IMMP2L: variants seen among roughly 807,000 people sequenced by gnomAD.
IMMP2L encodes the protein inner mitochondrial membrane peptidase subunit 2.
IMMP2L carries 18 observed loss-of-function variants against 19.3 expected under a neutral mutation model. That is an observed-to-expected ratio of 0.93 (90% CI 0.64 to 1.38). IMMP2L has a LOEUF of 1.38. IMMP2L is among the 40% of genes most tolerant of loss of function. The pLI is 0.00. For missense variants in IMMP2L, 233 were observed against 218.2 expected (o/e 1.07, Z -0.43); for synonymous variants, 76 against 73.0 (o/e 1.04, Z -0.21).
At chr7:110,981,658 T>G (rs568309533) in intron 3 of IMMP2L, among the ~76,000 whole-genome samples, 3 of 152,300 alleles carry the variant, frequency 2.0e-5, no homozygotes, top group African/African-American at 7.2e-5. Flanking sequence ...ATGTATTCAT[T>G]AGAGTGCTGA....
At chr7:111,279,082 T>C (rs1379604322) in intron 3 of IMMP2L, among the ~76,000 whole-genome samples, 2 of 152,166 alleles carry the variant, frequency 1.3e-5, no homozygotes, top group South Asian at 2.1e-4. Flanking sequence ...ATCACAGACA[T>C]TGAAAAACAT....
intron 5 of IMMP2L, among the ~76,000 whole-genome samples, chr7:110,743,621 G>A (rs1797132807): frequency 1.3e-5 from 2 of 152,172 alleles, no homozygotes; most frequent in South Asian, 2.1e-4. Flanking sequence ...TGGTCAGTGG[G>A]TGCAGCCCAA....
chr7:110,829,807 C>T (rs533731840), intron 5 of IMMP2L, among the ~76,000 whole-genome samples: 2 of 152,186 alleles, frequency 1.3e-5, no homozygotes, highest in South Asian at 4.1e-4. Context: ...TCTTTGAAGG[C>T]TCCTGGAGGT....
At chr7:111,192,515 ATACT>A (rs1302061989) in intron 3 of IMMP2L, among the ~76,000 whole-genome samples, 2 of 152,160 alleles carry the variant, frequency 1.3e-5, no homozygotes, top group African/African-American at 2.4e-5. Flanking sequence ...AGTGTGTAAA[ATACT>A]TAATCTTAAT....
intron 4 of IMMP2L, among the ~76,000 whole-genome samples, chr7:110,926,938 G>A (rs1346469600): frequency 6.6e-6 from 1 of 152,112 alleles, no homozygotes; most frequent in Admixed American, 6.6e-5. Flanking sequence ...TTTAAAACAT[G>A]TCTGCAAGTT....
In IMMP2L at chr7:110,991,015, T is replaced by C. The variant is rs1237677681; in HGVS notation, c.240-27450A>G. Among the ~76,000 whole-genome samples the C allele has an allele frequency of 4.6e-5, 7 of 152,186 alleles. No homozygotes were observed. The East Asian group carries it at 1.3e-3, about 29-fold the overall frequency. The stretch of plus-strand genomic sequence containing the variant: ...TAATTTTCATGCAATAATATGAAAA[T>C]GTGTGTTTCATAATTAAAAGTAAAT... On this transcript the variant is annotated intron_variant, in intron 3 of 5. Transcript: ENST00000405709.
intron 3 of IMMP2L, among the ~76,000 whole-genome samples, chr7:111,315,431 GA>G (rs748581070): frequency 1.0e-4 from 15 of 142,970 alleles, no homozygotes; most frequent in South Asian, 4.6e-4. Context: ...GGAAATGACT[GA>G]AAAAAAAAAC....
chr7:110,741,787 TAAAG>T (rs1381092696), intron 5 of IMMP2L, among the ~76,000 whole-genome samples: 1 of 152,162 alleles, frequency 6.6e-6, no homozygotes, highest in Non-Finnish European at 1.5e-5. Flanking sequence ...ATAATTTTGT[TAAAG>T]AATAAAATAA....
At chr7:110,928,984 T>C (rs1430551378) in intron 4 of IMMP2L, among the ~76,000 whole-genome samples, 2 of 152,162 alleles carry the variant, frequency 1.3e-5, no homozygotes, top group Non-Finnish European at 2.9e-5. Flanking sequence ...ATAATTTGTA[T>C]ATTGGACACC....
At position 111,214,328 on chromosome 7, in the gene IMMP2L, CTTCTTT is replaced by C. The variant is rs1271161337; in HGVS notation, c.240-250769_240-250764del. Among the ~76,000 whole-genome samples, 43 of 85,120 alleles carry C rather than the reference CTTCTTT, an allele frequency of 5.1e-4. 3 individuals are homozygous for C. Among genetic ancestry groups the C allele is most frequent in the Admixed American group, 6.5e-4 (5 of 7,716 alleles). 55.8% of individuals were successfully genotyped at this position (85,120 alleles called of 152,430 possible). A position where few individuals can be genotyped will look rare whatever the true frequency, so the allele number is the denominator to read the frequency against. Reference sequence around the variant, plus strand: ...GTGAATGAATGACAAAGTAATTTTTCTTCTTTTTTTTTTTTTTTTTTTTTTTTTTTG... The same window carrying C: ...GTGAATGAATGACAAAGTAATTTTTCTTTTTTTTTTTTTTTTTTTTTTTTG... On this transcript the variant is annotated intron_variant, in intron 3 of 5. Transcript: ENST00000405709.
chr7:111,445,509 A>G (rs1585129054), intron 3 of IMMP2L, among the ~76,000 whole-genome samples: 1 of 152,212 alleles, frequency 6.6e-6, no homozygotes, highest in African/African-American at 2.4e-5. Context: ...AAAGAAGTAT[A>G]AATGTGAAGA....
At chr7:111,498,470 C>T (rs1843809767) in intron 2 of IMMP2L, among the ~76,000 whole-genome samples, 1 of 151,972 alleles carries the variant, frequency 6.6e-6, no homozygotes, top group Non-Finnish European at 1.5e-5. Context: ...ATAAGGCTTT[C>T]CTATTCATTG....
At chr7:110,715,879 C>T (rs4349920) in intron 5 of IMMP2L, among the ~76,000 whole-genome samples, 1 of 152,086 alleles carries the variant, frequency 6.6e-6, no homozygotes, top group Non-Finnish European at 1.5e-5. Context: ...CCCACTATTA[C>T]TGAGTAGCTA....
chr7:110,681,992 G>C (rs909647039), intron 5 of IMMP2L, among the ~76,000 whole-genome samples: 2 of 152,142 alleles, frequency 1.3e-5, no homozygotes, highest in Non-Finnish European at 2.9e-5. Flanking sequence ...CATAGGAAAA[G>C]AAGAAAGAAA....
intron 3 of IMMP2L, among the ~76,000 whole-genome samples, chr7:111,085,504 T>G (rs1796240861): frequency 6.6e-6 from 1 of 152,224 alleles, no homozygotes; most frequent in South Asian, 2.1e-4. Flanking sequence ...TTTTTTGACT[T>G]TTTTAATAGT....
intron 3 of IMMP2L, among the ~76,000 whole-genome samples, chr7:111,235,675 G>A (rs1056964659): frequency 1.3e-5 from 2 of 151,604 alleles, no homozygotes; most frequent in African/African-American, 4.9e-5. Flanking sequence ...ATATGCCTCT[G>A]TATCATCTTC....
intron 3 of IMMP2L, among the ~76,000 whole-genome samples, chr7:111,138,638 A>G (rs1288970358): frequency 6.6e-6 from 1 of 152,244 alleles, no homozygotes; most frequent in African/African-American, 2.4e-5. Context: ...ATGGCTCACA[A>G]TAAATCAAAA....
At chr7:111,469,470 T>C (rs1001076789) in intron 3 of IMMP2L, among the ~76,000 whole-genome samples, 3 of 152,090 alleles carry the variant, frequency 2.0e-5, no homozygotes, top group African/African-American at 4.8e-5. Context: ...AGGTCCTTCA[T>C]GTCCCTTGTA....
intron 3 of IMMP2L, among the ~76,000 whole-genome samples, chr7:111,328,914 C>T (rs908862770): frequency 6.6e-6 from 1 of 151,804 alleles, no homozygotes; most frequent in Admixed American, 6.6e-5. Flanking sequence ...CACAAAAAAA[C>T]ATTGGGACCC....
Sources: gnomAD v4.1 joint callset for allele counts (sites outside exome capture counted in the v4.1 genomes callset) on GRCh38, gnomAD v4.1.1 for gene constraint, MANE v1.5 for transcripts, NCBI Gene and HGNC (gene_info 2026-07-23, HGNC 2026-07-21) for gene names.